MANBAL: variants seen among roughly 807,000 people sequenced by gnomAD.
MANBAL encodes protein MANBAL.
Under a neutral mutation model 6.4 loss-of-function variants are expected in MANBAL, and 1 was observed. The ratio of observed to expected loss-of-function variants is 0.16; its 90% CI spans 0.06 to 0.74. The LOEUF (loss-of-function observed/expected upper bound fraction) is 0.74, where lower values mean the gene tolerates loss of function less well. Ranked by LOEUF, MANBAL falls within the 30% of genes least tolerant of loss-of-function variation. The pLI, the probability that MANBAL is intolerant of heterozygous loss-of-function variation, is 0.78. For missense variants in MANBAL, 100 were observed against 107.8 expected, an observed-to-expected ratio of 0.93 and a Z score of 0.32; for synonymous variants, 47 against 45.8, an observed-to-expected ratio of 1.03 and a Z score of -0.10.
At chr20:37,306,832 G>A (rs779168168) in intron 2 of MANBAL, among the ~76,000 whole-genome samples, 11 of 152,216 alleles carry the variant, frequency 7.2e-5, no homozygotes, top group Non-Finnish European at 1.5e-4. Flanking sequence ...GAGAATGACA[G>A]TGCCGGTCCT....
Position 37,316,563 on chromosome 20 carries a change from CA to C in MANBAL, c.*149del. 1.7e-6 allele frequency: 1 copy of C among 600,264 alleles called. No individual in the cohort carries two copies. Among genetic ancestry groups the C allele is most frequent in the Non-Finnish European group, 2.9e-6 (1 of 344,480 alleles). The allele number at this position is 600,264 out of a possible 1,614,324, so 37.2% of individuals were successfully genotyped here. A position where few individuals can be genotyped will look rare whatever the true frequency, so the allele number is the denominator to read the frequency against. ...ACCGCAGAGATCTAGACAGTCGTAA[CA>C]GTCCCCAGGCTCCAGCTGGGCAATC... On this transcript the variant is annotated 3_prime_UTR_variant, in exon 3 of 3. Coordinates refer to ENST00000373606, the MANE Select transcript of MANBAL (RefSeq NM_001003897.2).
At chr20:37,303,804 C>G (rs184315881) in intron 2 of MANBAL, among the ~76,000 whole-genome samples, 59 of 152,336 alleles carry the variant, frequency 3.9e-4, no homozygotes, top group Admixed American at 1.1e-3. Flanking sequence ...GCCCACATCT[C>G]TTACTGAGGA....
intron 2 of MANBAL, among the ~76,000 whole-genome samples, chr20:37,307,354 A>G (rs980201590): frequency 6.6e-6 from 1 of 152,158 alleles, no homozygotes; most frequent in African/African-American, 2.4e-5. Context: ...ACACAAACCA[A>G]TTTTAGGAGG....
chr20:37,303,577 C>T (rs2069188283), intron 2 of MANBAL, among the ~76,000 whole-genome samples: 1 of 152,104 alleles, frequency 6.6e-6, no homozygotes, highest in Non-Finnish European at 1.5e-5. Context: ...AATCTGAGGT[C>T]CCCAGGACCA....
rs1036643548 is a variant in MANBAL at position 37,302,326 on chromosome 20, A to G, written c.150+913A>G. 30 of 1,550,438 alleles carry G rather than the reference A, an allele frequency of 1.9e-5. No individual in the cohort carries two copies. The African/African-American group carries it at 4.1e-4, about 21-fold the overall frequency. On this transcript the variant is annotated intron_variant, in intron 2 of 2. Coordinates refer to ENST00000373606, the MANE Select transcript of MANBAL (RefSeq NM_001003897.2). Reference sequence around the variant, plus strand: ...TTCCATTCCAGTCAGGTTATTGGGTACGAATACCTCAGAGCTGGTGCTATG... The same window carrying G: ...TTCCATTCCAGTCAGGTTATTGGGTGCGAATACCTCAGAGCTGGTGCTATG...
intron 1 of MANBAL, among the ~76,000 whole-genome samples, chr20:37,293,741 C>T (rs559131930): frequency 3.9e-5 from 6 of 152,290 alleles, no homozygotes; most frequent in Admixed American, 2.0e-4. Flanking sequence ...ATTGCTCCCC[C>T]GATCCCCTGT....
In MANBAL at chr20:37,312,903, A is replaced by C. The variant is rs8123056; in HGVS notation, c.151-3405A>C. ...CTGTTCATATCCTCTGTGATCATGG[A>C]AAAGTGAGGCCTGGTTTTAAGTGCT... is the stretch of plus-strand genomic sequence containing the variant. On this transcript the variant is annotated intron_variant, in intron 2 of 2. Coordinates refer to ENST00000373606, the MANE Select transcript of MANBAL (RefSeq NM_001003897.2). Among the ~76,000 whole-genome samples the C allele has an allele frequency of 2.4e-3, 359 of 152,268 alleles. 3 individuals are homozygous for C. Among genetic ancestry groups the C allele is most frequent in the African/African-American group, 8.3e-3 (345 of 41,510 alleles).
In MANBAL at chr20:37,316,326, C is replaced by T. The variant is rs781552292; in HGVS notation, c.169C>T (p.Pro57Ser). Residue 57 changes from proline (P) to serine (S), a missense_variant, in exon 3 of 3, where the codon CCC (proline) becomes TCC (serine). Physicochemically the swap from Pro to Ser is moderately conservative, Grantham distance 74. Transcript: ENST00000373606. ...CTCACAGGAGGCTGAACCGTCTGAG[C>T]CCAGAAGTGCTGAGGTGACGAGGAA... ...SHEAEAEPSE[P>S]RSAEVTRKPK... 1 of 1,613,640 alleles carries T rather than the reference C, an allele frequency of 6.2e-7. No homozygotes were observed. The highest frequency in any genetic ancestry group is 2.2e-5 in the East Asian group (1 of 44,874).
At chr20:37,302,279 G>A in intron 2 of MANBAL, 1 of 1,550,604 alleles carries the variant, frequency 6.4e-7, no homozygotes, top group Non-Finnish European at 8.7e-7. Context: ...CCTGTCAACA[G>A]GAGTTCCATG....
chr20:37,297,833 CG>C (rs2069034052), intron 1 of MANBAL, among the ~76,000 whole-genome samples: 1 of 151,926 alleles, frequency 6.6e-6, no homozygotes. Context: ...TTATTAGAGA[CG>C]GGGTTTCTCC....
chr20:37,315,705 C>T (rs748095385), intron 2 of MANBAL, among the ~76,000 whole-genome samples: 18 of 152,212 alleles, frequency 1.2e-4, no homozygotes, highest in African/African-American at 3.6e-4. Context: ...TGACAGGCTC[C>T]GCAGAACACA....
intron 2 of MANBAL, 110 bp from the exon 3 acceptor site, chr20:37,316,198 C>A: frequency 1.0e-6 from 1 of 994,210 alleles, no homozygotes; most frequent in Non-Finnish European, 1.5e-6. Flanking sequence ...ATGACAGTTT[C>A]CATCTCTTGT....
At chr20:37,303,657 G>T (rs1050568372) in intron 2 of MANBAL, among the ~76,000 whole-genome samples, 12 of 152,210 alleles carry the variant, frequency 7.9e-5, no homozygotes, top group African/African-American at 2.9e-4. Context: ...GGCGGCACAG[G>T]GAAAAGGTAC....
At chr20:37,308,852 A>G (rs147808339) in intron 2 of MANBAL, among the ~76,000 whole-genome samples, 2 of 152,338 alleles carry the variant, frequency 1.3e-5, no homozygotes, top group African/African-American at 4.8e-5. Flanking sequence ...TCAGTCATAC[A>G]CGGTAGTGAA....
At chr20:37,296,743 C>A (rs1395419430) in intron 1 of MANBAL, among the ~76,000 whole-genome samples, 1 of 152,004 alleles carries the variant, frequency 6.6e-6, no homozygotes, top group East Asian at 1.9e-4. Flanking sequence ...ACTTTTATGG[C>A]TCTTGTTATA....
At chr20:37,302,392 G>A (rs2069160339) in intron 2 of MANBAL, 2 of 1,526,534 alleles carry the variant, frequency 1.3e-6, no homozygotes, top group Admixed American at 3.9e-5. Context: ...GTGGTGTCTG[G>A]CTGCTGCACA....
rs2069133715 is a variant in MANBAL, at chr20:37,301,432, G to C, written c.150+19G>C. ...CGAGGCGGTGAGTTTTTCCCTGGGA[G>C]CCTCAGCTCCTCTGAGTGCCAGGCT... is the stretch of plus-strand genomic sequence containing the variant. On this transcript the variant is annotated intron_variant, in intron 2 of 2. Transcript: ENST00000373606. The C allele has an allele frequency of 1.9e-6, 3 of 1,607,346 alleles. No individual in the cohort carries two copies. Among genetic ancestry groups the C allele is most frequent in the African/African-American group, 1.3e-5 (1 of 74,708 alleles).
chr20:37,301,859 A>C (rs1215777282), intron 2 of MANBAL, among the ~76,000 whole-genome samples: 1 of 152,210 alleles, frequency 6.6e-6, no homozygotes, highest in African/African-American at 2.4e-5. Flanking sequence ...TGCCAGGTGA[A>C]AGTGGGCAAG....
At chr20:37,291,623 G>A (rs903719310) in intron 1 of MANBAL, among the ~76,000 whole-genome samples, 1 of 152,162 alleles carries the variant, frequency 6.6e-6, no homozygotes, top group Non-Finnish European at 1.5e-5. Flanking sequence ...GTTCGGCTGT[G>A]TCCCCACCCA....
Sources: gnomAD v4.1 joint callset for allele counts (sites outside exome capture counted in the v4.1 genomes callset) on GRCh38, gnomAD v4.1.1 for gene constraint, MANE v1.5 for transcripts, NCBI Gene and HGNC (gene_info 2026-07-23, HGNC 2026-07-21) for gene names.